The following RNF185 variants were observed in gnomAD, a reference collection of about 807,000 sequenced individuals.
RNF185 encodes ring finger protein 185, also known as E3 ubiquitin-protein ligase RNF185.
RNF185 carries 13 observed loss-of-function variants against 24.9 expected under a neutral mutation model. The observed-to-expected ratio is 0.52, with a 90% CI of 0.34 to 0.83. RNF185 has a LOEUF of 0.83. RNF185 is among the 40% of genes least tolerant of loss of function. The pLI, the probability that RNF185 is intolerant of heterozygous loss-of-function variation, is 0.01. For missense variants in RNF185, 184 were observed against 244.7 expected (o/e 0.75, Z 1.65); for synonymous variants, 79 against 90.3 (o/e 0.88, Z 0.71).
chr22:31,170,849 A>G (rs538662569), intron 1 of RNF185, among the ~76,000 whole-genome samples: 11 of 151,908 alleles, frequency 7.2e-5, no homozygotes, highest in African/African-American at 2.7e-4. Flanking sequence ...TATTTTTGAG[A>G]CAAGGTCTTT....
chr22:31,204,298 G>A (rs1446247612), intron 6 of RNF185, among the ~76,000 whole-genome samples, 191 bp from the exon 7 acceptor site: 1 of 151,532 alleles, frequency 6.6e-6, no homozygotes, highest in African/African-American at 2.4e-5. Context: ...AGCTGAGATC[G>A]TGCCACTGCA....
intron 2 of RNF185, among the ~76,000 whole-genome samples, chr22:31,188,001 G>C (rs1028493975): frequency 1.8e-4 from 28 of 152,012 alleles, no homozygotes; most frequent in Admixed American, 4.6e-4. Flanking sequence ...GCTAGGTAAA[G>C]GCGAAGGGTG....
intron 1 of RNF185, among the ~76,000 whole-genome samples, chr22:31,185,650 C>T (rs371869395): frequency 1.4e-4 from 21 of 152,318 alleles, no homozygotes; most frequent in East Asian, 9.6e-4. Context: ...ATCCAGGCCT[C>T]CACTTCTCTG....
At chr22:31,189,096 A>G (rs1007235401) in intron 2 of RNF185, among the ~76,000 whole-genome samples, 1 of 149,230 alleles carries the variant, frequency 6.7e-6, no homozygotes, top group Non-Finnish European at 1.5e-5. Flanking sequence ...ACTGCACTCC[A>G]GCCTGGGTGA....
Position 31,189,135 on chromosome 22 carries a change from A to ATGTGTGTGTG in RNF185, c.176+1885_176+1894dup, listed in dbSNP as rs202051750. ...AGCAAGACTCTGTCTCAAAAAAAAA[A>ATGTGTGTGTG]TGTGTGTGTGTGTGTGTGTGTGTGT... On this transcript the variant is annotated intron_variant, in intron 2 of 6. Transcript: ENST00000326132. 3.9e-3 allele frequency among the ~76,000 whole-genome samples: 529 copies of ATGTGTGTGTG among 136,884 alleles called. 2 individuals are homozygous for ATGTGTGTGTG. The highest frequency in any genetic ancestry group is 5.0e-3 in the Non-Finnish European group (319 of 64,048). 89.8% of individuals were successfully genotyped at this position (136,884 alleles called of 152,430 possible). A position where few individuals can be genotyped will look rare whatever the true frequency, so the allele number is the denominator to read the frequency against.
intron 5 of RNF185, among the ~76,000 whole-genome samples, chr22:31,198,830 C>T (rs1040423787): frequency 3.3e-4 from 47 of 141,528 alleles, no homozygotes; most frequent in African/African-American, 1.2e-3. Flanking sequence ...CGTGGTGGCT[C>T]ACACCTGTAA....
intron 1 of RNF185, among the ~76,000 whole-genome samples, chr22:31,170,539 C>T (rs979714292): frequency 4.0e-5 from 6 of 151,386 alleles, no homozygotes; most frequent in African/African-American, 1.5e-4. Flanking sequence ...GAGACAGAGT[C>T]TCACTCTGTC....
intron 5 of RNF185, among the ~76,000 whole-genome samples, chr22:31,199,263 T>G (rs1333632579): frequency 1.3e-5 from 2 of 152,188 alleles, no homozygotes; most frequent in Admixed American, 6.5e-5. Flanking sequence ...TCAACTCATT[T>G]AACGGAGGAG....
chr22:31,174,791 T>C (rs2047964696), intron 1 of RNF185, among the ~76,000 whole-genome samples: 1 of 151,728 alleles, frequency 6.6e-6, no homozygotes, highest in African/African-American at 2.4e-5. Flanking sequence ...TGGAAGAGGC[T>C]GGGTGTGGTG....
intron 1 of RNF185, among the ~76,000 whole-genome samples, chr22:31,173,155 CTTTAATAGGGAG>C (rs2047946288): frequency 6.6e-6 from 1 of 151,602 alleles, no homozygotes; most frequent in Non-Finnish European, 1.5e-5. Context: ...AGTATGTTAT[CTTTAATAGGGAG>C]AAATTTGAGA....
intron 5 of RNF185, among the ~76,000 whole-genome samples, chr22:31,200,793 A>G (rs1031681754): frequency 6.6e-6 from 1 of 152,230 alleles, no homozygotes; most frequent in Non-Finnish European, 1.5e-5. Context: ...TATAGCAAGT[A>G]TATATTACTT....
At chr22:31,195,700 A>G in intron 4 of RNF185, 119 bp downstream of exon 4, 1 of 676,916 alleles carries the variant, frequency 1.5e-6, no homozygotes. Context: ...GTTTCGAAGC[A>G]GTCTCATCCA....
At chr22:31,162,940 A>G (rs1018025045) in intron 1 of RNF185, among the ~76,000 whole-genome samples, 1 of 151,294 alleles carries the variant, frequency 6.6e-6, no homozygotes, top group African/African-American at 2.4e-5. Flanking sequence ...AATTTTTTGT[A>G]TTTTTAGTAG....
intron 1 of RNF185, among the ~76,000 whole-genome samples, chr22:31,180,805 A>C (rs1259848801): frequency 6.6e-6 from 1 of 152,220 alleles, no homozygotes; most frequent in Non-Finnish European, 1.5e-5. Flanking sequence ...TTGTTATAAA[A>C]CATTGAAACA....
Position 31,195,671 on chromosome 22 carries a change from A to C in RNF185, c.308+90A>C, listed in dbSNP as rs2048199243. 5.1e-6 allele frequency: 4 copies of C among 783,254 alleles called. No homozygotes were observed. The Admixed American group carries it at 6.9e-5, about 14-fold the overall frequency. The allele number at this position is 783,254 out of a possible 1,614,324, so 48.5% of individuals were successfully genotyped here. A position where few individuals can be genotyped will look rare whatever the true frequency, so the allele number is the denominator to read the frequency against. On this transcript the variant is annotated intron_variant, in intron 4 of 6. Coordinates refer to ENST00000326132, the MANE Select transcript of RNF185 (RefSeq NM_152267.4). ...CATCCCCTAACCCCACCCTTTACTT[A>C]GTACTAGATGATCTCTTGGTTTCGA...
chr22:31,176,150 C>T (rs1293540813), intron 1 of RNF185, among the ~76,000 whole-genome samples: 1 of 152,082 alleles, frequency 6.6e-6, no homozygotes, highest in Non-Finnish European at 1.5e-5. Context: ...GAAATTTGTC[C>T]ATAAGTCCAC....
At chr22:31,193,089 G>A (rs1340033691) in intron 3 of RNF185, among the ~76,000 whole-genome samples, 1 of 152,208 alleles carries the variant, frequency 6.6e-6, no homozygotes, top group African/African-American at 2.4e-5. Context: ...TGTCAACAAA[G>A]AGCTTTTGTG....
chr22:31,179,697 A>C (rs1037392751), intron 1 of RNF185, among the ~76,000 whole-genome samples: 1 of 152,168 alleles, frequency 6.6e-6, no homozygotes, highest in South Asian at 2.1e-4. Flanking sequence ...ACTCCCTGCA[A>C]ACTCTGAGCT....
intron 6 of RNF185, among the ~76,000 whole-genome samples, chr22:31,202,957 C>A (rs1209409846): frequency 6.6e-6 from 1 of 152,174 alleles, no homozygotes; most frequent in Admixed American, 6.5e-5. Flanking sequence ...AAGGTTTATC[C>A]TCTGTTCACA....
Sources: allele counts gnomAD v4.1 joint callset (sites outside exome capture counted in the v4.1 genomes callset), GRCh38; gene constraint gnomAD v4.1.1; transcripts MANE v1.5; gene names NCBI Gene and HGNC (gene_info 2026-07-23, HGNC 2026-07-21).